Variants in OMA1 observed in about 807,000 individuals in gnomAD.
The protein encoded by OMA1 is metalloendopeptidase OMA1, mitochondrial.
OMA1 carries 38 observed loss-of-function variants against 30.9 expected under a neutral mutation model. That is an observed-to-expected ratio of 1.23 (90% CI 0.95 to 1.61). OMA1 has a LOEUF of 1.61. OMA1 is among the 40% of genes most tolerant of loss of function. The probability of loss-of-function intolerance (pLI) is 0.00; values close to 1 mark genes in which losing one functional copy is unlikely to be tolerated. For missense variants in OMA1, 461 were observed against 349.2 expected (o/e 1.32, Z -2.55); for synonymous variants, 173 against 121.9 (o/e 1.42, Z -2.76).
chr1:58,540,069 A>G (rs1259097969), intron 1 of OMA1, among the ~76,000 whole-genome samples: 2 of 152,182 alleles, frequency 1.3e-5, no homozygotes, highest in African/African-American at 4.8e-5. Flanking sequence ...AATAATATAC[A>G]GGGCTCACAC....
chr1:58,530,035 A>G (rs1646410269), intron 6 of OMA1, among the ~76,000 whole-genome samples: 1 of 152,052 alleles, frequency 6.6e-6, no homozygotes, highest in Non-Finnish European at 1.5e-5. Context: ...CGCCCGCCAC[A>G]ACGCCAGGCT....
chr1:58,490,792 A>ATTTTTTTTTTTTTTT (rs1557438593), intron 8 of OMA1, among the ~76,000 whole-genome samples: 1 of 97,250 alleles, frequency 1.0e-5, no homozygotes, highest in African/African-American at 3.6e-5. Context: ...AATAGTCAAC[A>ATTTTTTTTTTTTTTT]TTCTTTTTTT....
intron 3 of OMA1, among the ~76,000 whole-genome samples, chr1:58,535,663 C>T (rs142317871): frequency 1.3e-5 from 2 of 150,870 alleles, no homozygotes; most frequent in East Asian, 2.0e-4. Context: ...GACATGAATT[C>T]GAAAAATATT....
chr1:58,528,711 G>A (rs1238296553), intron 6 of OMA1, among the ~76,000 whole-genome samples: 2 of 152,002 alleles, frequency 1.3e-5, no homozygotes, highest in Non-Finnish European at 2.9e-5. Context: ...TGTGTCATTC[G>A]GTCCTCACAA....
intron 7 of OMA1, among the ~76,000 whole-genome samples, chr1:58,524,121 C>A (rs1557452862): frequency 6.6e-6 from 1 of 152,204 alleles, no homozygotes; most frequent in Non-Finnish European, 1.5e-5. Context: ...AACTCCATTT[C>A]CGCAAAACAG....
chr1:58,499,501 G>GATAGATAGATAGATAA (rs767445044), intron 8 of OMA1, among the ~76,000 whole-genome samples: 1 of 150,504 alleles, frequency 6.6e-6, no homozygotes, highest in African/African-American at 2.5e-5. Context: ...TAGATAGATA[G>GATAGATAGATAGATAA]ATAGATAAAT....
intron 7 of OMA1, among the ~76,000 whole-genome samples, chr1:58,525,154 A>G (rs1646329908): frequency 6.6e-6 from 1 of 152,194 alleles, no homozygotes; most frequent in African/African-American, 2.4e-5. Context: ...GTTTTATGGT[A>G]AAAAATTATA....
intron 5 of OMA1, among the ~76,000 whole-genome samples, chr1:58,533,503 AC>A (rs1163468093): frequency 2.1e-4 from 32 of 152,212 alleles, no homozygotes; most frequent in Admixed American, 2.1e-3. Context: ...TATTAATTAC[AC>A]ATGACACATC....
intron 5 of OMA1, among the ~76,000 whole-genome samples, chr1:58,531,779 G>A (rs965443132): frequency 5.3e-5 from 8 of 151,852 alleles, no homozygotes; most frequent in Non-Finnish European, 1.0e-4. Flanking sequence ...GCGAGGTCTC[G>A]ACTCACTGCA....
chr1:58,511,225 T>C (rs956671633), intron 7 of OMA1, among the ~76,000 whole-genome samples: 1 of 152,178 alleles, frequency 6.6e-6, no homozygotes. Flanking sequence ...TTTCAAAATA[T>C]ATTACAAAGC....
At chr1:58,516,593 AT>A (rs1646161135) in intron 7 of OMA1, among the ~76,000 whole-genome samples, 1 of 152,210 alleles carries the variant, frequency 6.6e-6, no homozygotes, top group African/African-American at 2.4e-5. Context: ...AATTTGCACA[AT>A]AAAATCACTC....
intron 7 of OMA1, among the ~76,000 whole-genome samples, chr1:58,510,145 C>CATTAG (rs1384806812): frequency 1.3e-5 from 1 of 76,612 alleles, no homozygotes; most frequent in Non-Finnish European, 2.8e-5. Context: ...ATGAGGCCAG[C>CATTAG]CATTACCCTG....
intron 1 of OMA1, among the ~76,000 whole-genome samples, chr1:58,540,862 T>A (rs928964477): frequency 1.3e-5 from 2 of 148,860 alleles, no homozygotes; most frequent in Non-Finnish European, 3.0e-5. Flanking sequence ...CCAAACTTGA[T>A]GAAAATTATA....
chr1:58,486,549 T>A (rs618043), intron 8 of OMA1, among the ~76,000 whole-genome samples: 143,138 of 152,268 alleles, frequency 0.94, 67,465 homozygotes, highest in African/African-American at 0.99. Context: ...ATCATTTAAC[T>A]AATATTCACT....
chr1:58,488,261 AT>A, intron 8 of OMA1, among the ~76,000 whole-genome samples: 1 of 152,134 alleles, frequency 6.6e-6, no homozygotes, highest in African/African-American at 2.4e-5. Context: ...CCATCTTTTA[AT>A]TTTTGTTATA....
chr1:58,527,396 C>G (rs1646369234), intron 6 of OMA1, 61 bp from the exon 7 acceptor site: 1 of 814,902 alleles, frequency 1.2e-6, no homozygotes, highest in African/African-American at 1.7e-5. Flanking sequence ...AAAGGAGTAA[C>G]ACAGAGAGAT....
intron 5 of OMA1, among the ~76,000 whole-genome samples, chr1:58,531,036 C>A (rs769051891): frequency 8.5e-5 from 13 of 152,150 alleles, no homozygotes; most frequent in Non-Finnish European, 1.5e-4. Flanking sequence ...ATTATCCCTA[C>A]ATTTATAGAT....
chr1:58,512,328 G>T (rs1449358906), intron 7 of OMA1, among the ~76,000 whole-genome samples: 1 of 152,086 alleles, frequency 6.6e-6, no homozygotes, highest in Non-Finnish European at 1.5e-5. Context: ...TGGACTTTAT[G>T]AAAAACAATA....
intron 6 of OMA1, 24 bp downstream of exon 6, chr1:58,530,577 T>C: frequency 1.2e-6 from 1 of 865,950 alleles, no homozygotes; most frequent in South Asian, 1.3e-5. Context: ...CTATGATCAA[T>C]TCAAGTTATT....
Sources: gnomAD v4.1 joint callset for allele counts (sites outside exome capture counted in the v4.1 genomes callset) on GRCh38, gnomAD v4.1.1 for gene constraint, MANE v1.5 for transcripts, NCBI Gene and HGNC (gene_info 2026-07-23, HGNC 2026-07-21) for gene names.